ALG12: variants seen among roughly 807,000 people sequenced by gnomAD.
ALG12 encodes the protein dol-P-Man:Man(7)GlcNAc(2)-PP-Dol alpha-1,6-mannosyltransferase.
Under a neutral mutation model 46.0 loss-of-function variants are expected in ALG12, and 36 were observed. The ratio of observed to expected loss-of-function variants is 0.78; its 90% confidence interval spans 0.60 to 1.03. The LOEUF (loss-of-function observed/expected upper bound fraction) is 1.03. Ranked by LOEUF, ALG12 falls within the 50% of genes least tolerant of loss-of-function variation. The pLI is 0.00. For synonymous variants in ALG12, 326 were observed against 291.6 expected, an observed-to-expected ratio of 1.12 and a Z score of -1.20; for missense variants, 599 against 633.5, an observed-to-expected ratio of 0.95 and a Z score of 0.58.
chr22:49,910,735 G>T, intron 3 of ALG12, 128 bp from the exon 4 acceptor site: 1 of 1,111,930 alleles, frequency 9.0e-7, no homozygotes. Flanking sequence ...CCAGCTGACG[G>T]CTACGTCAGG....
In ALG12 at chr22:49,906,779, A is replaced by C. The variant is rs2060544244; in HGVS notation, c.992+942T>G. On this transcript the variant is annotated intron_variant, in intron 7 of 9. Coordinates refer to ENST00000330817, the MANE Select transcript of ALG12 (RefSeq NM_024105.4). This position sits in a 1 kb window ranked among gnomAD's most constrained non-coding sequence, Gnocchi z 4.4. ...ACTCTGAACGGGCACAGAGCTGGCC[A>C]GCCTCAGCCCTGGGTTCTTCCGCAG... 6.6e-6 allele frequency among the ~76,000 whole-genome samples: 1 copy of C among 152,152 alleles called. No homozygotes were observed. The highest frequency in any genetic ancestry group is 2.4e-5 in the African/African-American group (1 of 41,432).
chr22:49,881,959 T>C, the ALG12 span, among the ~76,000 whole-genome samples: 1 of 152,206 alleles, frequency 6.6e-6, no homozygotes, highest in Non-Finnish European at 1.5e-5. Context: ...TTGGAACACT[T>C]TTTAGGGCAA....
chr22:49,885,938 C>T, the ALG12 span: 31 of 783,398 alleles, frequency 4.0e-5, no homozygotes, highest in Admixed American at 1.7e-4. Context: ...CCAGCCCGGC[C>T]GCGCTGTGAC....
At position 49,902,298 on chromosome 22, in the gene ALG12, T is replaced by G. The variant is rs1054608400; in HGVS notation, c.*1540A>C. 7.5e-6 allele frequency: 1 copy of G among 132,624 alleles called. No individual in the cohort carries two copies. The highest frequency in any genetic ancestry group is 1.5e-5 in the Non-Finnish European group (1 of 64,540). The allele number at this position is 132,624 out of a possible 1,614,324, so 8.2% of individuals were successfully genotyped here. On this transcript the variant is annotated 3_prime_UTR_variant, in exon 10 of 10. Coordinates refer to ENST00000330817, the MANE Select transcript of ALG12 (RefSeq NM_024105.4). ...GTGCACTGTATGCATAGTGTGCACGTGTGCACTGTGTGTGGATGCATGGTA... is the reference window on the plus strand; with the variant it reads ...GTGCACTGTATGCATAGTGTGCACGGGTGCACTGTGTGTGGATGCATGGTA...
chr22:49,915,341 G>A (rs527836972), intron 1 of ALG12, among the ~76,000 whole-genome samples: 8 of 152,128 alleles, frequency 5.3e-5, no homozygotes, highest in South Asian at 2.1e-4. Flanking sequence ...GGTGGATCAC[G>A]AGGTCAGCAG....
chr22:49,904,304 C>T, intron 8 of ALG12, 33 bp downstream of exon 8: 1 of 1,614,168 alleles, frequency 6.2e-7, no homozygotes, highest in Non-Finnish European at 8.5e-7. Flanking sequence ...GTCGGAGCCA[C>T]AGCAGTCCCC....
the ALG12 span, chr22:49,884,169 C>T: frequency 1.4e-5 from 22 of 1,612,466 alleles, no homozygotes; most frequent in African/African-American, 2.0e-4. Flanking sequence ...CGACCGTGCT[C>T]ATTCAGGAAA....
chr22:49,888,317 T>G, the ALG12 span: 1 of 166,828 alleles, frequency 6.0e-6, no homozygotes, highest in Non-Finnish European at 1.5e-5. Flanking sequence ...GCCTACGACC[T>G]TTTAGAAAAG....
At position 49,914,299 on chromosome 22, in the gene ALG12, G is replaced by A. The variant is rs138883187; in HGVS notation, c.-78-456C>T. ...TGGAGAGTGGTGGACAGGGGCCCCG[G>A]GAGGGCAAGAAACTGAACGTAGTAC... On this transcript the variant is annotated intron_variant, in intron 1 of 9. Coordinates refer to ENST00000330817, the MANE Select transcript of ALG12 (RefSeq NM_024105.4). 2.6e-4 allele frequency among the ~76,000 whole-genome samples: 40 copies of A among 152,366 alleles called. No homozygotes were observed. The East Asian group carries it at 5.8e-3, about 22-fold the overall frequency.
the ALG12 span, among the ~76,000 whole-genome samples, chr22:49,893,899 C>T: frequency 6.6e-6 from 1 of 152,198 alleles, no homozygotes; most frequent in Non-Finnish European, 1.5e-5. Context: ...TGCAGTGGCT[C>T]ACACCTGTAA....
At chr22:49,907,162 C>T (rs1279861727) in intron 7 of ALG12, among the ~76,000 whole-genome samples, 2 of 152,216 alleles carry the variant, frequency 1.3e-5, no homozygotes, top group Non-Finnish European at 2.9e-5. Flanking sequence ...CGCCCTCAAG[C>T]CCGAGGCCCT....
chr22:49,884,317 C>G, the ALG12 span: 2 of 1,613,862 alleles, frequency 1.2e-6, no homozygotes, highest in Non-Finnish European at 1.7e-6. Flanking sequence ...GATCCCGTCC[C>G]CCGATCGAAT....
At chr22:49,917,933 C>T (rs1006771732) in intron 1 of ALG12, among the ~76,000 whole-genome samples, 1 of 152,134 alleles carries the variant, frequency 6.6e-6, no homozygotes, top group Admixed American at 6.5e-5. Context: ...AACCCATCCC[C>T]CAGGTGGGAG....
chr22:49,860,842 G>A, the ALG12 span, among the ~76,000 whole-genome samples: 11 of 148,480 alleles, frequency 7.4e-5, no homozygotes, highest in East Asian at 2.0e-4. Flanking sequence ...GCAGTGGCTC[G>A]ATCTTGGCTC....
the ALG12 span, chr22:49,887,186 G>A: frequency 1.8e-5 from 29 of 1,598,384 alleles, no homozygotes; most frequent in African/African-American, 2.7e-5. Flanking sequence ...TGAAACTCAC[G>A]ACGGCACCAC....
At chr22:49,884,701 G>A in the ALG12 span, 1 of 1,598,530 alleles carries the variant, frequency 6.3e-7, no homozygotes, top group Admixed American at 1.7e-5. Flanking sequence ...CGGGGGCACG[G>A]GCATCCCGCC....
At chr22:49,894,680 AAG>A in the ALG12 span, among the ~76,000 whole-genome samples, 1 of 152,276 alleles carries the variant, frequency 6.6e-6, no homozygotes, top group East Asian at 1.9e-4. Context: ...AGAAAGAACT[AAG>A]AGGAGAAATA....
rs2060560529 is a variant in ALG12, at chr22:49,909,105, G to T, written c.768+139C>A. ...TGGCCAGCATTTCCCAGGAGCAAGT[G>T]GGAGGGAGGGGCTCCATCCTGACCC... On this transcript the variant is annotated intron_variant, in intron 6 of 9. Transcript: ENST00000330817. 17 of 892,128 alleles carry T rather than the reference G, an allele frequency of 1.9e-5. No individual in the cohort carries two copies. The South Asian group carries it at 2.0e-4, about 11-fold the overall frequency. The allele number at this position is 892,128 out of a possible 1,614,324, so 55.3% of individuals were successfully genotyped here. A position where few individuals can be genotyped will look rare whatever the true frequency, so the allele number is the denominator to read the frequency against.
rs766491833 is a variant in ALG12 at position 49,904,342 on chromosome 22, T to G, written c.1157A>C (p.Gln386Pro). ...GCAGTGCCCCCAGCACCCACCTGTC[T>G]GGGGGGGCACCAGCTGGTGCAGCCT... ...MQRLHQLVPPQTDVLLHIDVA... is the reference protein window; with the variant it reads ...MQRLHQLVPPPTDVLLHIDVA... The change falls in exon 8 of 10, where the codon CAG (glutamine) becomes CCG (proline). Residue 386 changes from glutamine to proline, a missense_variant. By Grantham distance (76) the Gln-to-Pro change is moderately conservative. Transcript: ENST00000330817. 3.7e-6 allele frequency: 6 copies of G among 1,613,712 alleles called. No homozygotes were observed. The African/African-American group carries it at 6.7e-5, about 18-fold the overall frequency.
Sources: gnomAD v4.1 joint callset for allele counts (sites outside exome capture counted in the v4.1 genomes callset) on GRCh38, gnomAD v4.1.1 for gene constraint, Gnocchi (gnomAD v3.1) non-coding constraint, MANE v1.5 for transcripts, NCBI Gene and HGNC (gene_info 2026-07-23, HGNC 2026-07-21) for gene names.